Variants in XPR1 observed in about 807,000 individuals in gnomAD.
The protein encoded by XPR1 is solute carrier family 53 member 1.
In XPR1, 28 loss-of-function variants were observed where a neutral mutation model predicts 87.5. The ratio of observed to expected loss-of-function variants is 0.32; its 90% CI spans 0.24 to 0.44. The LOEUF (loss-of-function observed/expected upper bound fraction) is 0.44. Ranked by LOEUF, XPR1 falls within the 20% of genes least tolerant of loss-of-function variation. XPR1 has a pLI of 1.00. For missense variants in XPR1, 559 were observed against 862.3 expected (o/e 0.65, Z 4.41); for synonymous variants, 300 against 306.1 (o/e 0.98, Z 0.21).
chr1:180,844,375 C>T (rs1651611580), intron 11 of XPR1, among the ~76,000 whole-genome samples: 1 of 151,892 alleles, frequency 6.6e-6, no homozygotes, highest in Non-Finnish European at 1.5e-5. Context: ...AAAGTATAAA[C>T]ATCAGAAAAT....
intron 11 of XPR1, among the ~76,000 whole-genome samples, chr1:180,838,897 G>A (rs1651404005): frequency 6.6e-6 from 1 of 152,110 alleles, no homozygotes; most frequent in African/African-American, 2.4e-5. Flanking sequence ...GTTCTGGGTT[G>A]TAATTACTAT....
intron 11 of XPR1, among the ~76,000 whole-genome samples, chr1:180,849,034 A>G (rs1651780895): frequency 1.3e-5 from 2 of 152,206 alleles, no homozygotes; most frequent in African/African-American, 4.8e-5. Flanking sequence ...ATAGCAAAAT[A>G]CTATACACAC....
At chr1:180,795,878 G>C (rs1649553924) in intron 3 of XPR1, among the ~76,000 whole-genome samples, 1 of 152,158 alleles carries the variant, frequency 6.6e-6, no homozygotes, top group East Asian at 1.9e-4. Context: ...TGCGATCTCA[G>C]CTCACTGCAA....
chr1:180,673,468 A>G (rs1656253475), intron 1 of XPR1, among the ~76,000 whole-genome samples: 1 of 152,178 alleles, frequency 6.6e-6, no homozygotes, highest in South Asian at 2.1e-4. Context: ...AAGTAGGAAC[A>G]TATTTTATAT....
chr1:180,756,250 G>T (rs1225278987), intron 2 of XPR1, among the ~76,000 whole-genome samples: 1 of 152,180 alleles, frequency 6.6e-6, no homozygotes. Context: ...AAGTGTAAAG[G>T]TTAAAAAATC....
At chr1:180,666,738 T>C (rs1655974176) in intron 1 of XPR1, among the ~76,000 whole-genome samples, 1 of 152,182 alleles carries the variant, frequency 6.6e-6, no homozygotes, top group Non-Finnish European at 1.5e-5. Context: ...GTGTGGAATC[T>C]TTAGGTTTTT....
chr1:180,784,016 T>C (rs1247661897), intron 2 of XPR1, among the ~76,000 whole-genome samples: 1 of 151,818 alleles, frequency 6.6e-6, no homozygotes, highest in African/African-American at 2.4e-5. Context: ...GATCATGCTG[T>C]TGCATTCCAG....
rs1344656203 is a variant in XPR1, at chr1:180,889,069, C to T, written c.*5003C>T. 2 of 152,180 alleles carry T rather than the reference C, an allele frequency of 1.3e-5. No homozygotes were observed. Among genetic ancestry groups the T allele is most frequent in the African/African-American group, 4.8e-5 (2 of 41,422 alleles). The allele number at this position is 152,180 out of a possible 1,614,324, so 9.4% of individuals were successfully genotyped here. On this transcript the variant is annotated 3_prime_UTR_variant, in exon 15 of 15. Coordinates refer to ENST00000367590, the MANE Select transcript of XPR1 (RefSeq NM_004736.4). ...GAGTTGCCCCTAGAAAACAGCCTTC[C>T]AGAATATGTTTGCTTATTTATGGTG...
intron 11 of XPR1, 84 bp from the exon 12 acceptor site, chr1:180,863,624 A>G (rs1571903593): frequency 3.2e-6 from 4 of 1,232,228 alleles, no homozygotes; most frequent in Middle Eastern, 2.6e-4. Context: ...TATTTTAAGA[A>G]TCTGTTTTAA....
At chr1:180,750,118 A>G (rs1258426667) in intron 2 of XPR1, among the ~76,000 whole-genome samples, 1 of 152,120 alleles carries the variant, frequency 6.6e-6, no homozygotes, top group Non-Finnish European at 1.5e-5. Flanking sequence ...AAGTAATTTA[A>G]TTTTTGCTTT....
At chr1:180,818,534 T>C (rs1373912955) in intron 7 of XPR1, among the ~76,000 whole-genome samples, 1 of 152,140 alleles carries the variant, frequency 6.6e-6, no homozygotes, top group Non-Finnish European at 1.5e-5. Context: ...CTAATGAAAT[T>C]ATGCATGAAA....
At chr1:180,682,321 C>T (rs773533245) in intron 1 of XPR1, 39 bp from the exon 2 acceptor site, 5 of 1,523,208 alleles carry the variant, frequency 3.3e-6, no homozygotes, top group Non-Finnish European at 4.5e-6. Context: ...ATAAAGCTTA[C>T]TCATGATTTC....
chr1:180,853,179 C>T (rs752553861), intron 11 of XPR1, among the ~76,000 whole-genome samples: 3 of 152,166 alleles, frequency 2.0e-5, no homozygotes, highest in Non-Finnish European at 2.9e-5. Context: ...CCACCCGCCT[C>T]GGCCTCCCAA....
chr1:180,663,878 C>T (rs1354255094), intron 1 of XPR1, among the ~76,000 whole-genome samples: 2 of 152,170 alleles, frequency 1.3e-5, no homozygotes, highest in Non-Finnish European at 2.9e-5. Flanking sequence ...TCTTTCCTTC[C>T]CTTTTCTCAG....
chr1:180,815,465 G>A (rs914137739), intron 7 of XPR1, among the ~76,000 whole-genome samples: 5 of 152,136 alleles, frequency 3.3e-5, no homozygotes, highest in African/African-American at 1.2e-4. Flanking sequence ...AAAGATAACA[G>A]TGTTGAGAGT....
chr1:180,651,989 C>G (rs1655307280), intron 1 of XPR1, among the ~76,000 whole-genome samples: 1 of 152,050 alleles, frequency 6.6e-6, no homozygotes, highest in Non-Finnish European at 1.5e-5. Flanking sequence ...GAGCCTGTGG[C>G]CTATAAAAGT....
chr1:180,768,822 A>T (rs1160459291), intron 2 of XPR1, among the ~76,000 whole-genome samples: 1 of 152,222 alleles, frequency 6.6e-6, no homozygotes, highest in Non-Finnish European at 1.5e-5. Context: ...ACCTCCATGT[A>T]CTACTTTAGG....
intron 2 of XPR1, among the ~76,000 whole-genome samples, chr1:180,769,781 T>C (rs1003473302): frequency 6.6e-6 from 1 of 152,320 alleles, no homozygotes; most frequent in Admixed American, 6.5e-5. Flanking sequence ...TTCCTTTCTT[T>C]TGGGTATACC....
chr1:180,720,086 G>C (rs1378432856), intron 2 of XPR1, among the ~76,000 whole-genome samples: 1 of 152,002 alleles, frequency 6.6e-6, no homozygotes, highest in Non-Finnish European at 1.5e-5. Context: ...AAGTGGTTCT[G>C]ACAGAAAGAA....
Sources: allele counts gnomAD v4.1 joint callset (sites outside exome capture counted in the v4.1 genomes callset), GRCh38; gene constraint gnomAD v4.1.1; transcripts MANE v1.5; gene names NCBI Gene and HGNC (gene_info 2026-07-23, HGNC 2026-07-21).